The following PHACTR1 variants were observed in gnomAD, a reference collection of about 807,000 sequenced individuals.
PHACTR1 encodes the protein phosphatase and actin regulator 1.
A neutral mutation model predicts 69.2 loss-of-function variants in PHACTR1; 16 were observed. The observed-to-expected ratio is 0.23, with a 90% CI of 0.16 to 0.35. PHACTR1 has a LOEUF of 0.35. PHACTR1 is among the 10% of genes least tolerant of loss of function. The pLI is 1.00. For synonymous variants in PHACTR1, 312 were observed against 284.5 expected (o/e 1.10, Z -0.97); for missense variants, 510 against 734.7 (o/e 0.69, Z 3.54).
intron 4 of PHACTR1, among the ~76,000 whole-genome samples, chr6:12,784,086 CAT>C (rs996901660): frequency 6.6e-6 from 1 of 151,824 alleles, no homozygotes; most frequent in Non-Finnish European, 1.5e-5. Flanking sequence ...TGGACATACA[CAT>C]ATATCTCTAC....
chr6:12,902,662 C>T (rs1385141686), intron 4 of PHACTR1, among the ~76,000 whole-genome samples: 1 of 152,136 alleles, frequency 6.6e-6, no homozygotes, highest in East Asian at 1.9e-4. Flanking sequence ...TTTCTTTTCC[C>T]AGCATTCATT....
intron 3 of PHACTR1, among the ~76,000 whole-genome samples, chr6:12,735,790 G>A (rs1356876796): frequency 6.6e-6 from 1 of 152,202 alleles, no homozygotes; most frequent in African/African-American, 2.4e-5. Context: ...TTCAAGGTAT[G>A]GCTGTACAAG....
At chr6:13,164,366 C>T (rs1255466306) in intron 6 of PHACTR1, among the ~76,000 whole-genome samples, 1 of 152,092 alleles carries the variant, frequency 6.6e-6, no homozygotes, top group Non-Finnish European at 1.5e-5. Flanking sequence ...TTCCATATTG[C>T]CTGGCTGGTC....
At chr6:12,960,712 G>A (rs537052420) in intron 4 of PHACTR1, among the ~76,000 whole-genome samples, 1 of 152,216 alleles carries the variant, frequency 6.6e-6, no homozygotes, top group South Asian at 2.1e-4. Context: ...TTGTGATTCT[G>A]CCCTTTTCTC....
rs554255191 is a variant in PHACTR1 at position 13,239,928 on chromosome 6, C to G, written c.1391+9735C>G. Reference sequence around the variant, plus strand: ...CACCGTTAGTTCTCTGCATCTGTGACTTGCGGCTGCCCCGGCAGTCTGTAC... The same window carrying G: ...CACCGTTAGTTCTCTGCATCTGTGAGTTGCGGCTGCCCCGGCAGTCTGTAC... On this transcript the variant is annotated intron_variant, in intron 10 of 14. Coordinates refer to ENST00000332995, the MANE Select transcript of PHACTR1 (RefSeq NM_030948.6). Among the ~76,000 whole-genome samples, 8 of 152,300 alleles carry G rather than the reference C, an allele frequency of 5.3e-5. 1 individual carries two copies. The East Asian group carries it at 1.5e-3, about 29-fold the overall frequency.
chr6:12,801,951 T>C (rs1478773722), intron 4 of PHACTR1, among the ~76,000 whole-genome samples: 1 of 151,938 alleles, frequency 6.6e-6, no homozygotes, highest in South Asian at 2.1e-4. Flanking sequence ...GATGACCTTG[T>C]TTACCATTAC....
chr6:13,187,082 G>C (rs1461575543), intron 7 of PHACTR1, among the ~76,000 whole-genome samples: 22 of 152,128 alleles, frequency 1.4e-4, no homozygotes, highest in Non-Finnish European at 4.4e-5. Context: ...ACAGGAGGTG[G>C]AGCTCAGGAG....
At chr6:13,007,595 C>T (rs2127637779) in intron 4 of PHACTR1, among the ~76,000 whole-genome samples, 1 of 151,016 alleles carries the variant, frequency 6.6e-6, no homozygotes, top group African/African-American at 2.4e-5. Flanking sequence ...CAGACCAGAT[C>T]TTCTTTCTGT....
intron 5 of PHACTR1, among the ~76,000 whole-genome samples, chr6:13,066,945 C>T (rs949613105): frequency 2.6e-5 from 4 of 152,100 alleles, no homozygotes; most frequent in Admixed American, 1.3e-4. Context: ...GGGACCAGCC[C>T]AGATTCATTG....
At chr6:12,726,747 C>G (rs1762844321) in intron 3 of PHACTR1, among the ~76,000 whole-genome samples, 1 of 152,186 alleles carries the variant, frequency 6.6e-6, no homozygotes, top group African/African-American at 2.4e-5. Flanking sequence ...GGGGCAGGAA[C>G]AGTGCTTGCA....
intron 10 of PHACTR1, among the ~76,000 whole-genome samples, chr6:13,239,343 C>G (rs948987400): frequency 6.6e-6 from 1 of 152,184 alleles, no homozygotes; most frequent in African/African-American, 2.4e-5. Context: ...TGTAGCTAAG[C>G]TGCTTTCAGG....
intron 7 of PHACTR1, among the ~76,000 whole-genome samples, chr6:13,191,545 T>A (rs1043223409): frequency 4.6e-5 from 7 of 152,164 alleles, no homozygotes; most frequent in Non-Finnish European, 8.8e-5. Flanking sequence ...GTCAGCAGGC[T>A]CTAAGCTATA....
At chr6:13,181,228 G>A (rs1319131862) in intron 6 of PHACTR1, among the ~76,000 whole-genome samples, 1 of 152,054 alleles carries the variant, frequency 6.6e-6, no homozygotes, top group Non-Finnish European at 1.5e-5. Flanking sequence ...GGGATTCTGT[G>A]CCACCATAGA....
chr6:12,718,976 T>C (rs955606443), intron 3 of PHACTR1, 129 bp downstream of exon 3: 8 of 479,424 alleles, frequency 1.7e-5, no homozygotes, highest in Admixed American at 3.5e-5. Context: ...TGATAACCTC[T>C]ACCAAACTGC....
At chr6:13,041,474 A>G (rs1311679437) in intron 4 of PHACTR1, among the ~76,000 whole-genome samples, 1 of 152,132 alleles carries the variant, frequency 6.6e-6, no homozygotes, top group Non-Finnish European at 1.5e-5. Flanking sequence ...TAAACAAATG[A>G]TAAATGGCAC....
chr6:13,024,729 T>C (rs1801447866), intron 4 of PHACTR1, among the ~76,000 whole-genome samples: 2 of 152,306 alleles, frequency 1.3e-5, no homozygotes, highest in South Asian at 2.1e-4. Flanking sequence ...GGAACACCAC[T>C]ACCCAAAGTA....
At chr6:13,262,434 A>T (rs1482458180) in intron 10 of PHACTR1, among the ~76,000 whole-genome samples, 1 of 152,194 alleles carries the variant, frequency 6.6e-6, no homozygotes, top group African/African-American at 2.4e-5. Flanking sequence ...TAGATTTTGG[A>T]ATCATCAGCA....
chr6:13,080,520 C>T (rs1486364373), intron 5 of PHACTR1, among the ~76,000 whole-genome samples: 1 of 152,152 alleles, frequency 6.6e-6, no homozygotes, highest in Non-Finnish European at 1.5e-5. Flanking sequence ...AATGAAATAA[C>T]CTTCTGAAGG....
chr6:13,182,950 A>T (rs931547627), intron 7 of PHACTR1, among the ~76,000 whole-genome samples: 2 of 152,206 alleles, frequency 1.3e-5, no homozygotes, highest in African/African-American at 4.8e-5. Context: ...TTTTTGTAAC[A>T]TTAATGATTT....
Sources: gnomAD v4.1 joint callset for allele counts (sites outside exome capture counted in the v4.1 genomes callset) on GRCh38, gnomAD v4.1.1 for gene constraint, MANE v1.5 for transcripts, NCBI Gene and HGNC (gene_info 2026-07-23, HGNC 2026-07-21) for gene names.